Variants in LNPK observed in about 807,000 individuals in gnomAD.
LNPK encodes endoplasmic reticulum junction formation protein lunapark.
Under a neutral mutation model 55.2 loss-of-function variants are expected in LNPK, and 29 were observed. That is an observed-to-expected ratio of 0.53 (90% CI 0.39 to 0.72). The LOEUF (loss-of-function observed/expected upper bound fraction) is 0.72. Among genes scored for constraint, LNPK ranks in the 30% least tolerant of loss-of-function variants. The probability of loss-of-function intolerance (pLI) is 0.00; values close to 1 mark genes in which losing one functional copy is unlikely to be tolerated. For synonymous variants in LNPK, 162 were observed against 168.2 expected (o/e 0.96, Z 0.29); for missense variants, 467 against 494.8 (o/e 0.94, Z 0.53).
chr2:175,992,448 A>G, intron 3 of LNPK, 30 bp from the exon 4 acceptor site: 1 of 1,329,054 alleles, frequency 7.5e-7, no homozygotes, highest in Non-Finnish European at 1.0e-6. Flanking sequence ...CCATGTTAGT[A>G]AATTTCAAAC....
At position 175,995,512 on chromosome 2, in the gene LNPK, C is replaced by T. The variant is rs1453285598; in HGVS notation, c.27+46G>A. The T allele has an allele frequency of 4.0e-6, 6 of 1,499,180 alleles. No homozygotes were observed. The South Asian group carries it at 7.1e-5, about 18-fold the overall frequency. The allele number at this position is 1,499,180 out of a possible 1,614,324, so 92.9% of individuals were successfully genotyped here. ...CTTTCACAAATAGCTTTATGTGACA[C>T]TTTTATATTAGACTCAAGAACTAGC... On this transcript the variant is annotated intron_variant, in intron 2 of 12. Transcript: ENST00000272748.
At chr2:175,980,710 C>T (rs1687129269) in intron 4 of LNPK, among the ~76,000 whole-genome samples, 1 of 151,982 alleles carries the variant, frequency 6.6e-6, no homozygotes, top group Non-Finnish European at 1.5e-5. Flanking sequence ...AGTTTGAGAC[C>T]AGCCTGGCCA....
At chr2:176,002,485 G>T (rs974642600), upstream of LNPK, 2 of 284,162 alleles carry the variant, frequency 7.0e-6, no homozygotes, top group African/African-American at 4.7e-5. Context: ...CATTTATTAT[G>T]ACTCTTAGAA....
chr2:175,996,728 G>C (rs1687952243), intron 1 of LNPK, among the ~76,000 whole-genome samples: 1 of 152,110 alleles, frequency 6.6e-6, no homozygotes, highest in South Asian at 2.1e-4. Flanking sequence ...ACAAGTCCCT[G>C]AAGCTAGTTG....
intron 6 of LNPK, among the ~76,000 whole-genome samples, chr2:175,968,917 C>A (rs2105646690): frequency 6.6e-6 from 1 of 152,004 alleles, no homozygotes; most frequent in African/African-American, 2.4e-5. Context: ...ACTTGGGAGG[C>A]TGAGGCAGGA....
intron 8 of LNPK, 76 bp downstream of exon 8, chr2:175,964,296 C>G: frequency 8.0e-7 from 1 of 1,244,006 alleles, no homozygotes; most frequent in Non-Finnish European, 1.2e-6. Flanking sequence ...TTGCACACCT[C>G]CAACACACTT....
chr2:175,926,650 T>C lies in LNPK; in HGVS notation c.*3317A>G, dbSNP rs933987981. The C allele has an allele frequency of 1.3e-5, 2 of 152,228 alleles. No individual in the cohort carries two copies. The highest frequency in any genetic ancestry group is 4.8e-5 in the African/African-American group (2 of 41,472). The allele number at this position is 152,228 out of a possible 1,614,324, so 9.4% of individuals were successfully genotyped here. A position where few individuals can be genotyped will look rare whatever the true frequency, so the allele number is the denominator to read the frequency against. On this transcript the variant is annotated 3_prime_UTR_variant, in exon 13 of 13. Coordinates refer to ENST00000272748, the MANE Select transcript of LNPK (RefSeq NM_030650.3). ...CAAAGTACAAATATAATAATATATA[T>C]ACAGCAGTTAGCATGTTGCCTGGCA...
chr2:175,995,713 A>G (rs573761016), intron 1 of LNPK, 67 bp from the exon 2 acceptor site: 2 of 604,328 alleles, frequency 3.3e-6, no homozygotes, highest in Non-Finnish European at 5.8e-6. Context: ...AGATGTTGCA[A>G]TACTGCCTAA....
intron 9 of LNPK, among the ~76,000 whole-genome samples, chr2:175,942,248 T>C (rs1008417649): frequency 3.3e-5 from 5 of 152,188 alleles, no homozygotes; most frequent in Non-Finnish European, 7.3e-5. Flanking sequence ...ATATGTAATC[T>C]AGAGATGATT....
At chr2:175,979,189 A>C (rs1406244383) in intron 5 of LNPK, among the ~76,000 whole-genome samples, 1 of 152,162 alleles carries the variant, frequency 6.6e-6, no homozygotes, top group Non-Finnish European at 1.5e-5. Context: ...TTGAGGTAAA[A>C]ATGAAACAAG....
chr2:176,000,145 G>A (rs1183352708), intron 1 of LNPK, among the ~76,000 whole-genome samples: 1 of 152,150 alleles, frequency 6.6e-6, no homozygotes, highest in East Asian at 1.9e-4. Flanking sequence ...TCAGGTTTGG[G>A]TGTCAGAATT....
At chr2:175,995,718 G>T in intron 1 of LNPK, 72 bp from the exon 2 acceptor site, 1 of 495,064 alleles carries the variant, frequency 2.0e-6, no homozygotes, top group African/African-American at 2.1e-5. Context: ...TTGCAATACT[G>T]CCTAAAAAAT....
In LNPK at chr2:175,986,308, C is replaced by A. The variant is rs144013482; in HGVS notation, c.257+5923G>T. On this transcript the variant is annotated intron_variant, in intron 4 of 12. Coordinates refer to ENST00000272748, the MANE Select transcript of LNPK (RefSeq NM_030650.3). ...ATAAACTTAAATCAGAAATATTTAA[C>A]ATTCTCTGAGAGCAATACAATAAAA... Among the ~76,000 whole-genome samples the A allele has an allele frequency of 3.2e-4, 48 of 152,118 alleles. 1 individual carries two copies. Among genetic ancestry groups the A allele is most frequent in the African/African-American group, 1.1e-3 (45 of 41,530 alleles).
intron 1 of LNPK, among the ~76,000 whole-genome samples, chr2:175,998,820 C>G (rs1428803677): frequency 1.3e-5 from 2 of 152,144 alleles, no homozygotes; most frequent in African/African-American, 4.8e-5. Flanking sequence ...AGAACTGGTA[C>G]TAGAAGTCTG....
chr2:175,965,801 GAA>G (rs35557283), intron 6 of LNPK, among the ~76,000 whole-genome samples: 46 of 150,060 alleles, frequency 3.1e-4, no homozygotes, highest in East Asian at 2.0e-3. Context: ...TTTAGAGTTA[GAA>G]AAAAAAAAAC....
rs112701838 is a variant in LNPK at position 175,925,944 on chromosome 2, G to A, written c.*4023C>T. 0.036 allele frequency: 5,543 copies of A among 152,350 alleles called. 152 individuals are homozygous for A. The highest frequency in any genetic ancestry group is 0.06 in the Non-Finnish European group (4,097 of 68,132). 9.4% of individuals were successfully genotyped at this position (152,350 alleles called of 1,614,324 possible). A position where few individuals can be genotyped will look rare whatever the true frequency, so the allele number is the denominator to read the frequency against. The stretch of plus-strand genomic sequence containing the variant: ...CTCCCAACTTGCTGGGATTACAGGC[G>A]TGAGCCACCACCACACCTGGCCCCT... On this transcript the variant is annotated 3_prime_UTR_variant, in exon 13 of 13. Transcript: ENST00000272748.
chr2:175,999,170 G>A (rs150912797), intron 1 of LNPK, among the ~76,000 whole-genome samples: 7 of 152,254 alleles, frequency 4.6e-5, no homozygotes, highest in East Asian at 1.9e-4. Context: ...TATGTAATAG[G>A]TGGTACTTTC....
At chr2:175,982,810 T>C (rs1687233708) in intron 4 of LNPK, among the ~76,000 whole-genome samples, 1 of 152,212 alleles carries the variant, frequency 6.6e-6, no homozygotes, top group African/African-American at 2.4e-5. Flanking sequence ...TATTAAAATA[T>C]AGCAACATAT....
chr2:175,954,277 T>C (rs925480514), intron 8 of LNPK, among the ~76,000 whole-genome samples: 3 of 152,210 alleles, frequency 2.0e-5, no homozygotes, highest in East Asian at 3.8e-4. Flanking sequence ...TCTATTTTCC[T>C]CTTGCATTTC....
Sources: allele counts gnomAD v4.1 joint callset (sites outside exome capture counted in the v4.1 genomes callset), GRCh38; gene constraint gnomAD v4.1.1; transcripts MANE v1.5; gene names NCBI Gene and HGNC (gene_info 2026-07-23, HGNC 2026-07-21).